FRMD3: variants seen among roughly 807,000 people sequenced by gnomAD.
FRMD3 encodes FERM domain containing 3.
A neutral mutation model predicts 70.2 loss-of-function variants in FRMD3; 33 were observed. That is an observed-to-expected ratio of 0.47 (90% CI 0.36 to 0.63). FRMD3 has a LOEUF of 0.63. FRMD3 is among the 20% of genes least tolerant of loss of function. The probability of loss-of-function intolerance (pLI) is 0.00; values close to 1 mark genes in which losing one functional copy is unlikely to be tolerated. For synonymous variants in FRMD3, 279 were observed against 255.9 expected (o/e 1.09, Z -0.86); for missense variants, 632 against 711.4 (o/e 0.89, Z 1.27).
At chr9:83,300,309 G>T (rs1040602110) in intron 10 of FRMD3, among the ~76,000 whole-genome samples, 4 of 152,202 alleles carry the variant, frequency 2.6e-5, no homozygotes, top group Non-Finnish European at 1.5e-5. Flanking sequence ...AGATCCAGAG[G>T]CTGAAAGGTG....
At chr9:83,293,180 G>A (rs1834515251) in intron 12 of FRMD3, among the ~76,000 whole-genome samples, 1 of 152,092 alleles carries the variant, frequency 6.6e-6, no homozygotes, top group African/African-American at 2.4e-5. Flanking sequence ...GGAAGGAGGG[G>A]AGGGAGGGAG....
chr9:83,318,035 C>T (rs556276098), intron 6 of FRMD3, among the ~76,000 whole-genome samples: 16 of 152,292 alleles, frequency 1.1e-4, no homozygotes, highest in African/African-American at 3.6e-4. Flanking sequence ...CCAAATAGGA[C>T]GTCTAACTAG....
the FRMD3 span, among the ~76,000 whole-genome samples, chr9:83,543,868 G>C: frequency 6.6e-6 from 1 of 152,192 alleles, no homozygotes; most frequent in African/African-American, 2.4e-5. Flanking sequence ...ATAGCAGCCA[G>C]GTGGCCCCAG....
At chr9:83,478,739 G>A (rs5014093) in intron 1 of FRMD3, among the ~76,000 whole-genome samples, 65,538 of 151,980 alleles carry the variant, frequency 0.43, 14,272 homozygotes, top group Middle Eastern at 0.46. Context: ...CCAGTAAGTG[G>A]AAACAACACA....
chr9:83,320,735 T>C (rs1835768224), intron 6 of FRMD3, among the ~76,000 whole-genome samples: 1 of 152,184 alleles, frequency 6.6e-6, no homozygotes, highest in African/African-American at 2.4e-5. Context: ...TAGAACAGTT[T>C]CAGGAAGATT....
intron 1 of FRMD3, among the ~76,000 whole-genome samples, chr9:83,526,376 A>T (rs1409651200): frequency 6.6e-6 from 1 of 152,196 alleles, no homozygotes; most frequent in African/African-American, 2.4e-5. Flanking sequence ...ATTGAAACTA[A>T]CCATGTGGAA....
intron 1 of FRMD3, among the ~76,000 whole-genome samples, chr9:83,515,523 G>A (rs898552752): frequency 1.3e-5 from 2 of 152,148 alleles, no homozygotes; most frequent in East Asian, 3.9e-4. Context: ...TGGGAGAATG[G>A]AATCAAATTA....
chr9:83,436,109 A>C (rs988931538), intron 1 of FRMD3, among the ~76,000 whole-genome samples: 14 of 152,250 alleles, frequency 9.2e-5, no homozygotes, highest in African/African-American at 3.4e-4. Context: ...CCACAGTCCT[A>C]CCTTCACTCT....
At chr9:83,473,442 A>G (rs1828317622) in intron 1 of FRMD3, among the ~76,000 whole-genome samples, 1 of 152,132 alleles carries the variant, frequency 6.6e-6, no homozygotes, top group South Asian at 2.1e-4. Context: ...TTCTGTTGCT[A>G]TTTAATTGTT....
In FRMD3 at chr9:83,538,127, G is replaced by A. The variant is rs1310818230; in HGVS notation, c.105C>T (p.Thr35=). The A allele has an allele frequency of 2.5e-6, 4 of 1,613,496 alleles. No homozygotes were observed. Among genetic ancestry groups the A allele is most frequent in the East Asian group, 2.2e-5 (1 of 44,842 alleles). ...VKSLSQEMRC[T]IRLLDDSEIS... ...TCTCCGAGTCGTCCAGCAGCCGGAT[G>A]GTGCATCTCATCTCCTGGCTGAGCG... The change falls in exon 1 of 14, where the codon ACC becomes ACT. Residue 35 remains threonine, a synonymous_variant. Coordinates refer to ENST00000304195, the MANE Select transcript of FRMD3 (RefSeq NM_174938.6). The surrounding 1 kb of genome is among the most constrained non-coding windows in gnomAD (Gnocchi z 4.7).
chr9:83,364,828 T>C (rs1341515642), intron 3 of FRMD3, among the ~76,000 whole-genome samples: 2 of 152,204 alleles, frequency 1.3e-5, no homozygotes, highest in Non-Finnish European at 2.9e-5. Flanking sequence ...CGCCAACAAG[T>C]GGAAAGAAAA....
chr9:83,260,646 A>G (rs1051810032), intron 13 of FRMD3, among the ~76,000 whole-genome samples: 1 of 152,288 alleles, frequency 6.6e-6, no homozygotes, highest in East Asian at 1.9e-4. Flanking sequence ...CATAGCCACG[A>G]TAGAAGCCAC....
At chr9:83,336,744 C>T (rs1823594193) in intron 5 of FRMD3, among the ~76,000 whole-genome samples, 1 of 149,082 alleles carries the variant, frequency 6.7e-6, no homozygotes, top group South Asian at 2.2e-4. Context: ...ACTGAGTTCC[C>T]AGACATGATG....
At chr9:83,258,413 C>T (rs927525029) in intron 13 of FRMD3, among the ~76,000 whole-genome samples, 3 of 152,240 alleles carry the variant, frequency 2.0e-5, no homozygotes, top group Non-Finnish European at 4.4e-5. Flanking sequence ...GCAACTTGTA[C>T]GTGCACAAAA....
chr9:83,478,126 T>C (rs560031705), intron 1 of FRMD3, among the ~76,000 whole-genome samples: 2 of 152,302 alleles, frequency 1.3e-5, no homozygotes, highest in South Asian at 2.1e-4. Flanking sequence ...TCAAAAGACT[T>C]GCATTTCAAT....
At chr9:83,266,334 T>C (rs1293202239) in intron 13 of FRMD3, among the ~76,000 whole-genome samples, 2 of 152,230 alleles carry the variant, frequency 1.3e-5, no homozygotes, top group African/African-American at 4.8e-5. Context: ...GCATGAGATA[T>C]AGCCAATTAC....
intron 1 of FRMD3, among the ~76,000 whole-genome samples, chr9:83,501,226 G>A (rs4877784): frequency 0.081 from 12,333 of 152,024 alleles, 627 homozygotes; most frequent in South Asian, 0.12. Context: ...CCCGGGAGGC[G>A]GAGCTTGCAG....
Position 83,247,742 on chromosome 9 carries a change from G to A in FRMD3, c.*176C>T. 6.9e-7 allele frequency: 1 copy of A among 1,448,854 alleles called. No individual in the cohort carries two copies. Among genetic ancestry groups the A allele is most frequent in the Admixed American group, 2.5e-5 (1 of 40,218 alleles). 89.7% of individuals were successfully genotyped at this position (1,448,854 alleles called of 1,614,324 possible). A position where few individuals can be genotyped will look rare whatever the true frequency, so the allele number is the denominator to read the frequency against. ...ACCTGTAACTAAAATAACTGTATTT[G>A]ATTTAAACTTATTTAAGTGCAGTGA... is the stretch of plus-strand genomic sequence containing the variant. On this transcript the variant is annotated 3_prime_UTR_variant, in exon 14 of 14. Transcript: ENST00000304195.
chr9:83,486,542 TAA>T (rs1490120975), intron 1 of FRMD3, among the ~76,000 whole-genome samples: 1 of 152,210 alleles, frequency 6.6e-6, no homozygotes, highest in African/African-American at 2.4e-5. Flanking sequence ...GATTTCAATG[TAA>T]GACCACAAAC....
Sources: allele counts gnomAD v4.1 joint callset (sites outside exome capture counted in the v4.1 genomes callset), GRCh38; gene constraint gnomAD v4.1.1; non-coding constraint Gnocchi (gnomAD v3.1); transcripts MANE v1.5; gene names NCBI Gene and HGNC (gene_info 2026-07-23, HGNC 2026-07-21).